Variants in DIP2B observed in about 807,000 individuals in gnomAD.
The protein encoded by DIP2B is disco-interacting protein 2 homolog B.
A neutral mutation model predicts 198.0 loss-of-function variants in DIP2B; 76 were observed. That is an observed-to-expected ratio of 0.38 (90% confidence interval 0.32 to 0.46). DIP2B has a LOEUF of 0.46. DIP2B is among the 20% of genes least tolerant of loss of function. The pLI, the probability that DIP2B is intolerant of heterozygous loss-of-function variation, is 0.99. For missense variants in DIP2B, 1,559 were observed against 1,978.4 expected (o/e 0.79, Z 4.02); for synonymous variants, 701 against 739.1 (o/e 0.95, Z 0.84).
At chr12:50,690,436 A>G (rs1422989565) in intron 12 of DIP2B, among the ~76,000 whole-genome samples, 2 of 152,298 alleles carry the variant, frequency 1.3e-5, no homozygotes, top group East Asian at 3.9e-4. Flanking sequence ...CTGTAGTTCC[A>G]GCTACTCAGG....
chr12:50,728,584 A>G lies in DIP2B; in HGVS notation c.3547A>G (p.Ile1183Val). 6.2e-7 allele frequency: 1 copy of G among 1,614,146 alleles called. No homozygotes were observed. The highest frequency in any genetic ancestry group is 1.3e-5 in the African/African-American group (1 of 75,034). ...HSAVNALCRA[I>V]KLQCELYSSR... ...TGCAGTGAACGCTCTGTGTCGAGCCATCAAGCTCCAGTGTGAGTTGTACTC... is the reference window on the plus strand; with the variant it reads ...TGCAGTGAACGCTCTGTGTCGAGCCGTCAAGCTCCAGTGTGAGTTGTACTC... The change falls in exon 30 of 38, where the codon ATC (isoleucine) becomes GTC (valine). Residue 1183 changes from isoleucine to valine, a missense_variant. By Grantham distance (29) the Ile-to-Val change is conservative. Coordinates refer to ENST00000301180, the MANE Select transcript of DIP2B (RefSeq NM_173602.3).
chr12:50,623,417 A>T lies in DIP2B; in HGVS notation c.101-2559A>T, dbSNP rs1217649815. On this transcript the variant is annotated intron_variant, in intron 1 of 37. Transcript: ENST00000301180. ...TACACACACACACACACACACACAC[A>T]CACACACACACACACACACACTCTC... 1.4e-4 allele frequency among the ~76,000 whole-genome samples: 13 copies of T among 92,242 alleles called. No homozygotes were observed. The Admixed American group carries it at 1.4e-3, about 10-fold the overall frequency. 60.5% of individuals were successfully genotyped at this position (92,242 alleles called of 152,430 possible).
intron 6 of DIP2B, 45 bp downstream of exon 6, chr12:50,674,674 T>G (rs1476183040): frequency 1.2e-6 from 2 of 1,604,824 alleles, no homozygotes; most frequent in Non-Finnish European, 1.7e-6. Context: ...TAAACTAAAC[T>G]AGAAAAATTC....
chr12:50,509,032 T>C (rs536698026), intron 1 of DIP2B, among the ~76,000 whole-genome samples: 1 of 152,324 alleles, frequency 6.6e-6, no homozygotes, highest in Admixed American at 6.5e-5. Flanking sequence ...GTTGATTCTC[T>C]CTCTGAAATC....
In DIP2B at chr12:50,509,459, A is replaced by G. The variant is rs528703090; in HGVS notation, c.100+4219A>G. Among the ~76,000 whole-genome samples, 5 of 152,344 alleles carry G rather than the reference A, an allele frequency of 3.3e-5. No homozygotes were observed. In the East Asian group the frequency reaches 9.6e-4, roughly 29 times the overall value. On this transcript the variant is annotated intron_variant, in intron 1 of 37. Transcript: ENST00000301180. Reference sequence around the variant, plus strand: ...CTGGAAAGGTATTTAAGATAAAATAACACTCACAGGAAGGGATCCTCCCTT... The same window carrying G: ...CTGGAAAGGTATTTAAGATAAAATAGCACTCACAGGAAGGGATCCTCCCTT...
chr12:50,671,412 C>A lies in DIP2B; in HGVS notation c.640+14C>A. 1 of 1,613,334 alleles carries A rather than the reference C, an allele frequency of 6.2e-7. No homozygotes were observed. The highest frequency in any genetic ancestry group is 1.1e-5 in the South Asian group (1 of 91,046). On this transcript the variant is annotated intron_variant, in intron 5 of 37. Coordinates refer to ENST00000301180, the MANE Select transcript of DIP2B (RefSeq NM_173602.3). Reference sequence around the variant, plus strand: ...ATACTCGAATAGGTAGGAGCTGGATCTACCCAAGAAGCCCAAATTACATTC... The same window carrying A: ...ATACTCGAATAGGTAGGAGCTGGATATACCCAAGAAGCCCAAATTACATTC...
intron 1 of DIP2B, among the ~76,000 whole-genome samples, chr12:50,518,652 C>T (rs930976378): frequency 6.6e-6 from 1 of 152,224 alleles, no homozygotes; most frequent in Non-Finnish European, 1.5e-5. Flanking sequence ...TTTTGACCTC[C>T]ATCTCCCTGA....
intron 1 of DIP2B, among the ~76,000 whole-genome samples, chr12:50,554,709 G>C (rs997933322): frequency 6.6e-6 from 1 of 152,046 alleles, no homozygotes; most frequent in African/African-American, 2.4e-5. Flanking sequence ...ACCTTTTTGA[G>C]CTTACTTCTT....
chr12:50,600,868 TACCACCATCACCACCATG>T, intron 1 of DIP2B, among the ~76,000 whole-genome samples: 4 of 150,544 alleles, frequency 2.7e-5, no homozygotes, highest in South Asian at 2.1e-4. Flanking sequence ...CTCCTGGTCT[TACCACCATCACCACCATG>T]ACCACCATCA....
At chr12:50,539,269 C>T (rs1261183829) in intron 1 of DIP2B, among the ~76,000 whole-genome samples, 6 of 147,824 alleles carry the variant, frequency 4.1e-5, no homozygotes, top group African/African-American at 7.5e-5. Flanking sequence ...CTTGCTCTGT[C>T]GCCTAGGCTG....
At chr12:50,629,621 C>A (rs2139474269) in intron 2 of DIP2B, among the ~76,000 whole-genome samples, 1 of 152,234 alleles carries the variant, frequency 6.6e-6, no homozygotes, top group Non-Finnish European at 1.5e-5. Context: ...TCCATAGATC[C>A]AACTGCATAC....
chr12:50,611,630 C>T (rs1224103735), intron 1 of DIP2B, among the ~76,000 whole-genome samples: 7 of 152,126 alleles, frequency 4.6e-5, no homozygotes, highest in Admixed American at 4.6e-4. Context: ...TTTCCCTCCC[C>T]ACCACTGCCT....
chr12:50,703,302 G>A lies in DIP2B; in HGVS notation c.2326-838G>A, dbSNP rs137929530. Reference sequence around the variant, plus strand: ...TTTCGGTACCAGATTGGCAAAGTTTGGAAAAATGGATAGCACATAGTACTA... The same window carrying A: ...TTTCGGTACCAGATTGGCAAAGTTTAGAAAAATGGATAGCACATAGTACTA... On this transcript the variant is annotated intron_variant, in intron 19 of 37. Transcript: ENST00000301180. 5.2e-3 allele frequency among the ~76,000 whole-genome samples: 796 copies of A among 151,794 alleles called. 6 individuals carry two copies. The highest frequency in any genetic ancestry group is 7.7e-3 in the Non-Finnish European group (523 of 67,952).
At chr12:50,670,993 G>T (rs1938842442) in intron 4 of DIP2B, among the ~76,000 whole-genome samples, 193 bp from the exon 5 acceptor site, 1 of 152,174 alleles carries the variant, frequency 6.6e-6, no homozygotes, top group Non-Finnish European at 1.5e-5. Context: ...TATGGAGTTA[G>T]GCTATTTTAT....
At position 50,683,013 on chromosome 12, in the gene DIP2B, C is replaced by T. The variant is rs768291228; in HGVS notation, c.1207-125C>T. ...CTCAGTAACTTAATTTCCTTTAGAG[C>T]AGATGGCTGTTAAATAGTTTGATTT... is the stretch of plus-strand genomic sequence containing the variant. On this transcript the variant is annotated intron_variant, in intron 9 of 37. Transcript: ENST00000301180. 4 of 782,964 alleles carry T rather than the reference C, an allele frequency of 5.1e-6. No homozygotes were observed. In the Admixed American group the frequency reaches 1.2e-4, roughly 23 times the overall value. 48.5% of individuals were successfully genotyped at this position (782,964 alleles called of 1,614,324 possible).
intron 1 of DIP2B, among the ~76,000 whole-genome samples, chr12:50,509,292 A>G (rs1957994447): frequency 1.3e-5 from 2 of 152,144 alleles, no homozygotes; most frequent in African/African-American, 2.4e-5. Context: ...ACGAGATTGG[A>G]TTGTGTGGCT....
At chr12:50,554,298 A>T (rs1323719642) in intron 1 of DIP2B, among the ~76,000 whole-genome samples, 1 of 152,166 alleles carries the variant, frequency 6.6e-6, no homozygotes, top group Non-Finnish European at 1.5e-5. Context: ...CATAATTTTG[A>T]TTAAATATTA....
intron 3 of DIP2B, among the ~76,000 whole-genome samples, chr12:50,649,274 TATA>T (rs1423808928): frequency 6.6e-6 from 1 of 152,130 alleles, no homozygotes; most frequent in Admixed American, 6.6e-5. Context: ...AAAATAAACA[TATA>T]AGAATAGCTA....
intron 3 of DIP2B, among the ~76,000 whole-genome samples, chr12:50,648,665 C>CT (rs1235388963): frequency 7.1e-4 from 4 of 5,630 alleles, no homozygotes; most frequent in African/African-American, 9.6e-4. Flanking sequence ...GCCCAGCCCC[C>CT]TTTTTTTTTT....
Sources: gnomAD v4.1 joint callset for allele counts (sites outside exome capture counted in the v4.1 genomes callset) on GRCh38, gnomAD v4.1.1 for gene constraint, MANE v1.5 for transcripts, NCBI Gene and HGNC (gene_info 2026-07-23, HGNC 2026-07-21) for gene names.